The following FARP1 variants were observed in gnomAD, a reference collection of about 807,000 sequenced individuals.
FARP1 encodes FERM, ARH/RhoGEF and pleckstrin domain protein 1.
A neutral mutation model predicts 128.8 loss-of-function variants in FARP1; 52 were observed. That is an observed-to-expected ratio of 0.40 (90% CI 0.32 to 0.51). The LOEUF (loss-of-function observed/expected upper bound fraction) is 0.51, where lower values mean the gene tolerates loss of function less well. FARP1 is among the 20% of genes least tolerant of loss of function. The pLI, the probability that FARP1 is intolerant of heterozygous loss-of-function variation, is 0.45. For missense variants in FARP1, 1,333 were observed against 1,367.9 expected, an observed-to-expected ratio of 0.97 and a Z score of 0.40; for synonymous variants, 580 against 551.8, an observed-to-expected ratio of 1.05 and a Z score of -0.72.
intron 2 of FARP1, among the ~76,000 whole-genome samples, chr13:98,259,327 G>A (rs1883762776): frequency 6.6e-6 from 1 of 151,968 alleles, no homozygotes; most frequent in Admixed American, 6.6e-5. Context: ...TATCTATAAA[G>A]TGTGTATATA....
intron 17 of FARP1, 61 bp downstream of exon 17, chr13:98,424,711 A>T: frequency 8.5e-7 from 1 of 1,169,648 alleles, no homozygotes; most frequent in South Asian, 1.2e-5. Flanking sequence ...CGGGGCTGCC[A>T]TGGGCATAGG....
At chr13:98,302,029 A>G (rs954827351) in intron 2 of FARP1, among the ~76,000 whole-genome samples, 3 of 152,134 alleles carry the variant, frequency 2.0e-5, no homozygotes, top group African/African-American at 7.2e-5. Flanking sequence ...ACACACCTCA[A>G]AATTGACCCC....
At chr13:98,172,220 G>A (rs1877703313) in intron 1 of FARP1, among the ~76,000 whole-genome samples, 1 of 151,890 alleles carries the variant, frequency 6.6e-6, no homozygotes, top group African/African-American at 2.4e-5. Flanking sequence ...ACCAGGGTGT[G>A]GTGACTGATT....
chr13:98,219,609 G>A (rs138479366), intron 2 of FARP1, among the ~76,000 whole-genome samples: 102 of 152,050 alleles, frequency 6.7e-4, no homozygotes, highest in African/African-American at 2.3e-3. Context: ...TTGGGATGAC[G>A]GGCATGAGCC....
chr13:98,409,957 T>C (rs1891127316), intron 14 of FARP1, among the ~76,000 whole-genome samples: 3 of 152,268 alleles, frequency 2.0e-5, no homozygotes, highest in South Asian at 2.1e-4. Flanking sequence ...GGCTGAGTGA[T>C]GTCCCGCTGT....
intron 2 of FARP1, among the ~76,000 whole-genome samples, chr13:98,227,026 C>T (rs1042867444): frequency 2.6e-5 from 4 of 151,676 alleles, no homozygotes; most frequent in African/African-American, 9.7e-5. Flanking sequence ...CTGCAAGCTA[C>T]GCCTCCCGGG....
At chr13:98,351,131 G>C (rs1462358405) in intron 3 of FARP1, among the ~76,000 whole-genome samples, 1 of 150,432 alleles carries the variant, frequency 6.6e-6, no homozygotes, top group African/African-American at 2.4e-5. Context: ...TCTGCCTCCA[G>C]CCCAGCCCTG....
At chr13:98,249,289 C>T (rs1354267419) in intron 2 of FARP1, among the ~76,000 whole-genome samples, 1 of 152,168 alleles carries the variant, frequency 6.6e-6, no homozygotes, top group Non-Finnish European at 1.5e-5. Context: ...TTTACTGTTA[C>T]AACTTTGCCT....
At chr13:98,218,918 A>G (rs895892426) in intron 2 of FARP1, among the ~76,000 whole-genome samples, 5 of 152,262 alleles carry the variant, frequency 3.3e-5, no homozygotes, top group Non-Finnish European at 4.4e-5. Context: ...TGTATGTCAT[A>G]AAAGACCACG....
At chr13:98,147,793 A>G (rs1875679907) in intron 1 of FARP1, among the ~76,000 whole-genome samples, 1 of 150,426 alleles carries the variant, frequency 6.6e-6, no homozygotes, top group African/African-American at 2.4e-5. Flanking sequence ...AGTAGCTGTG[A>G]CTACAGACAC....
At chr13:98,147,152 T>G (rs992755726) in intron 1 of FARP1, among the ~76,000 whole-genome samples, 7 of 152,226 alleles carry the variant, frequency 4.6e-5, no homozygotes, top group African/African-American at 9.6e-5. Flanking sequence ...CTTGCCCTGG[T>G]TTGAATTAGT....
At chr13:98,374,748 C>T (rs894110443) in intron 5 of FARP1, among the ~76,000 whole-genome samples, 1 of 152,150 alleles carries the variant, frequency 6.6e-6, no homozygotes, top group Non-Finnish European at 1.5e-5. Flanking sequence ...GTTTATTTTG[C>T]TCATGATTCT....
At chr13:98,399,895 C>G (rs934586119) in intron 13 of FARP1, 6 of 152,154 alleles carry the variant, frequency 3.9e-5, no homozygotes, top group African/African-American at 1.4e-4. Flanking sequence ...GCAAGAAATT[C>G]TTTTAGCATG....
chr13:98,444,738 G>A (rs1488901103), intron 24 of FARP1, among the ~76,000 whole-genome samples: 1 of 152,238 alleles, frequency 6.6e-6, no homozygotes, highest in Admixed American at 6.5e-5. Flanking sequence ...GGCCCAGACT[G>A]TGATGGGTGA....
At chr13:98,263,780 T>C (rs1284586118) in intron 2 of FARP1, among the ~76,000 whole-genome samples, 1 of 152,216 alleles carries the variant, frequency 6.6e-6, no homozygotes, top group East Asian at 1.9e-4. Flanking sequence ...TTAGAATTGA[T>C]CTCACATTTG....
chr13:98,354,675 GA>G (rs1310911667), intron 3 of FARP1, among the ~76,000 whole-genome samples: 1 of 152,188 alleles, frequency 6.6e-6, no homozygotes, highest in Non-Finnish European at 1.5e-5. Context: ...TAAGAGAAAT[GA>G]AAGCTTATGT....
intron 2 of FARP1, among the ~76,000 whole-genome samples, chr13:98,246,158 A>G (rs1433209756): frequency 1.7e-5 from 2 of 121,084 alleles, no homozygotes; most frequent in African/African-American, 3.2e-5. Context: ...GCAGTGGCGC[A>G]ATCTCGGCTC....
chr13:98,320,057 C>G (rs1260867718), intron 2 of FARP1, among the ~76,000 whole-genome samples: 1 of 152,122 alleles, frequency 6.6e-6, no homozygotes, highest in Non-Finnish European at 1.5e-5. Flanking sequence ...TGAGCCAGGC[C>G]TGTGTGGTCA....
chr13:98,305,116 A>G (rs561847867), intron 2 of FARP1, among the ~76,000 whole-genome samples: 1 of 24,488 alleles, frequency 4.1e-5, no homozygotes, highest in Non-Finnish European at 1.0e-4. Context: ...ATATATATAT[A>G]TATTTTTTAA....
Sources: gnomAD v4.1 joint callset for allele counts (sites outside exome capture counted in the v4.1 genomes callset) on GRCh38, gnomAD v4.1.1 for gene constraint, MANE v1.5 for transcripts, NCBI Gene and HGNC (gene_info 2026-07-23, HGNC 2026-07-21) for gene names.